PKNOX2: variants seen among roughly 807,000 people sequenced by gnomAD.
The protein encoded by PKNOX2 is homeobox protein PKNOX2.
A neutral mutation model predicts 53.1 loss-of-function variants in PKNOX2; 14 were observed. That is an observed-to-expected ratio of 0.26 (90% confidence interval 0.17 to 0.41). The LOEUF is 0.41. Ranked by LOEUF, PKNOX2 falls within the 10% of genes least tolerant of loss-of-function variation. The probability of loss-of-function intolerance (pLI) is 1.00; values close to 1 mark genes in which losing one functional copy is unlikely to be tolerated. For synonymous variants in PKNOX2, 257 were observed against 242.8 expected, an observed-to-expected ratio of 1.06 and a Z score of -0.54; for missense variants, 496 against 602.8, an observed-to-expected ratio of 0.82 and a Z score of 1.85.
At chr11:125,191,566 C>T (rs1003636388) in intron 1 of PKNOX2, among the ~76,000 whole-genome samples, 2 of 152,168 alleles carry the variant, frequency 1.3e-5, no homozygotes, top group African/African-American at 2.4e-5. Context: ...GAGCAGTAGA[C>T]GTCACAGTGC....
intron 6 of PKNOX2, among the ~76,000 whole-genome samples, chr11:125,389,563 C>G (rs559936591): frequency 6.6e-6 from 1 of 152,200 alleles, no homozygotes; most frequent in Non-Finnish European, 1.5e-5. Flanking sequence ...CTCACCAGGA[C>G]GATTCCTAAG....
chr11:125,272,854 C>T (rs139534455), intron 2 of PKNOX2, among the ~76,000 whole-genome samples: 20 of 152,258 alleles, frequency 1.3e-4, no homozygotes, highest in Middle Eastern at 3.4e-3. Flanking sequence ...TTGACTTCTC[C>T]GCCTGCCTCA....
intron 1 of PKNOX2, among the ~76,000 whole-genome samples, chr11:125,195,330 G>T (rs936118666): frequency 2.0e-5 from 3 of 152,154 alleles, no homozygotes; most frequent in African/African-American, 7.2e-5. Flanking sequence ...CAAGACACGT[G>T]CTTTTCCTAC....
intron 5 of PKNOX2, among the ~76,000 whole-genome samples, chr11:125,369,678 G>A (rs887712458): frequency 6.6e-6 from 1 of 152,202 alleles, no homozygotes; most frequent in African/African-American, 2.4e-5. Context: ...AAATGGGGTA[G>A]GAGAGGACCT....
chr11:125,256,787 G>A (rs1366167726), intron 2 of PKNOX2, among the ~76,000 whole-genome samples: 2 of 152,214 alleles, frequency 1.3e-5, no homozygotes, highest in Non-Finnish European at 2.9e-5. Context: ...AGCTGCTGTA[G>A]TGGCTGCAGA....
chr11:125,358,969 G>A (rs1051815533), intron 4 of PKNOX2, among the ~76,000 whole-genome samples: 4 of 152,220 alleles, frequency 2.6e-5, no homozygotes, highest in African/African-American at 4.8e-5. Flanking sequence ...TCTGCGGCCT[G>A]GGGAGGGAGG....
At chr11:125,385,238 C>T (rs1953541921) in intron 5 of PKNOX2, among the ~76,000 whole-genome samples, 1 of 152,220 alleles carries the variant, frequency 6.6e-6, no homozygotes. Flanking sequence ...TGGACACCTA[C>T]TTCTTGGAAG....
At chr11:125,410,947 C>G in intron 9 of PKNOX2, 71 bp downstream of exon 9, 1 of 1,306,238 alleles carries the variant, frequency 7.7e-7, no homozygotes, top group Non-Finnish European at 1.1e-6. Context: ...TCTTATCTGC[C>G]AGGCACTTTA....
At position 125,183,198 on chromosome 11, in the gene PKNOX2, CTTTTTTTTTTTTTTTT is replaced by C. The variant is rs10676031; in HGVS notation, c.-201+18436_-201+18451del. On this transcript the variant is annotated intron_variant, in intron 1 of 12. Transcript: ENST00000298282. ...TGGTGGCTGTAGCATGCGATGAATC[CTTTTTTTTTTTTTTTT>C]TTTTTTTTTTTTTGAGACGGAGTCT... Among the ~76,000 whole-genome samples the C allele has an allele frequency of 4.3e-4, 37 of 85,826 alleles. 1 individual carries two copies. The highest frequency in any genetic ancestry group is 8.5e-4 in the Admixed American group (8 of 9,414). 56.3% of individuals were successfully genotyped at this position (85,826 alleles called of 152,430 possible).
chr11:125,376,385 C>T (rs1313999723), intron 5 of PKNOX2, among the ~76,000 whole-genome samples: 1 of 152,202 alleles, frequency 6.6e-6, no homozygotes, highest in East Asian at 1.9e-4. Flanking sequence ...CTCGCTCCCA[C>T]CCCCCTCTGT....
At chr11:125,217,420 G>A (rs948611713) in intron 1 of PKNOX2, among the ~76,000 whole-genome samples, 13 of 152,190 alleles carry the variant, frequency 8.5e-5, no homozygotes, top group Admixed American at 5.2e-4. Flanking sequence ...ACGCTTCCAC[G>A]TAGCCAGGAT....
At chr11:125,272,974 G>C (rs1301933325) in intron 2 of PKNOX2, among the ~76,000 whole-genome samples, 1 of 152,232 alleles carries the variant, frequency 6.6e-6, no homozygotes, top group Non-Finnish European at 1.5e-5. Context: ...AGCCCCTACT[G>C]TCACTGCCCA....
chr11:125,184,960 A>G (rs925443379), intron 1 of PKNOX2, among the ~76,000 whole-genome samples: 1 of 152,230 alleles, frequency 6.6e-6, no homozygotes, highest in East Asian at 1.9e-4. Flanking sequence ...CTCAACCCTC[A>G]GAGGACAGGC....
rs1262134689 is a variant in PKNOX2 at position 125,197,670 on chromosome 11, C to CA, written c.-201+32896dup. On this transcript the variant is annotated intron_variant, in intron 1 of 12. Transcript: ENST00000298282. ...AGCAGAGGAAAAACAACAACAACAA[C>CA]AACAAAAAAACACAGCTGAGGCTCT... 9.9e-5 allele frequency among the ~76,000 whole-genome samples: 15 copies of CA among 152,226 alleles called. 1 individual carries two copies. The South Asian group carries it at 2.9e-3, about 29-fold the overall frequency.
At chr11:125,227,748 G>A (rs149383264) in intron 1 of PKNOX2, among the ~76,000 whole-genome samples, 1 of 152,198 alleles carries the variant, frequency 6.6e-6, no homozygotes, top group African/African-American at 2.4e-5. Context: ...TTTATAGTAT[G>A]TAAAAAGTGG....
rs1218360399 is a variant in PKNOX2, at chr11:125,370,062, G to T, written c.227+2077G>T. Among the ~76,000 whole-genome samples, 1 of 152,106 alleles carries T rather than the reference G, an allele frequency of 6.6e-6. No individual in the cohort carries two copies. The highest frequency in any genetic ancestry group is 1.5e-5 in the Non-Finnish European group (1 of 68,024). Reference sequence around the variant, plus strand: ...AGCTGCTCAGACCCCTGGGTCAGGGGCCTGTAGTGAGCATAGATCATGGTC... The same window carrying T: ...AGCTGCTCAGACCCCTGGGTCAGGGTCCTGTAGTGAGCATAGATCATGGTC... On this transcript the variant is annotated intron_variant, in intron 5 of 12. Coordinates refer to ENST00000298282, the MANE Select transcript of PKNOX2 (RefSeq NM_001382323.2). The surrounding 1 kb of genome is among the most constrained non-coding windows in gnomAD (Gnocchi z 4.1).
chr11:125,195,885 A>ACG (rs757946574), intron 1 of PKNOX2, among the ~76,000 whole-genome samples: 398 of 35,360 alleles, frequency 0.011, 1 homozygote, highest in Non-Finnish European at 0.018. Context: ...ATGTACATGC[A>ACG]CACACACACA....
rs143594906 is a variant in PKNOX2 at position 125,171,762 on chromosome 11, T to C, written c.-201+6986T>C. Among the ~76,000 whole-genome samples, 908 of 152,334 alleles carry C rather than the reference T, an allele frequency of 6.0e-3. 2 individuals are homozygous for C. Among genetic ancestry groups the C allele is most frequent in the Non-Finnish European group, 0.011 (724 of 68,020 alleles). Reference sequence around the variant, plus strand: ...CAGCGTTGCACAAATAGCCAGTCAATGCTGTGGCCTGGTGCTGCCTGCTGT... The same window carrying C: ...CAGCGTTGCACAAATAGCCAGTCAACGCTGTGGCCTGGTGCTGCCTGCTGT... On this transcript the variant is annotated intron_variant, in intron 1 of 12. Transcript: ENST00000298282.
At chr11:125,232,831 T>C (rs1942331295) in intron 1 of PKNOX2, among the ~76,000 whole-genome samples, 1 of 152,088 alleles carries the variant, frequency 6.6e-6, no homozygotes, top group African/African-American at 2.4e-5. Flanking sequence ...TCCAAGTCTT[T>C]TTTTTTTTTC....
Sources: allele counts gnomAD v4.1 joint callset (sites outside exome capture counted in the v4.1 genomes callset), GRCh38; gene constraint gnomAD v4.1.1; non-coding constraint Gnocchi (gnomAD v3.1); transcripts MANE v1.5; gene names NCBI Gene and HGNC (gene_info 2026-07-23, HGNC 2026-07-21).